The following TTC19 variants were observed in gnomAD, a reference collection of about 807,000 sequenced individuals.
TTC19 encodes tetratricopeptide repeat domain 19.
A neutral mutation model predicts 49.5 loss-of-function variants in TTC19; 38 were observed. The observed-to-expected ratio is 0.77, with a 90% CI of 0.59 to 1.01. The LOEUF (loss-of-function observed/expected upper bound fraction) is 1.01. Among genes scored for constraint, TTC19 ranks in the 50% least tolerant of loss-of-function variants. The pLI is 0.00. For synonymous variants in TTC19, 204 were observed against 185.2 expected, an observed-to-expected ratio of 1.10 and a Z score of -0.83; for missense variants, 475 against 477.7, an observed-to-expected ratio of 0.99 and a Z score of 0.05.
chr17:16,008,961 T>C (rs1159808621), intron 7 of TTC19, among the ~76,000 whole-genome samples: 1 of 152,192 alleles, frequency 6.6e-6, no homozygotes, highest in African/African-American at 2.4e-5. Flanking sequence ...AGTATGTTTT[T>C]GTTTAAAAAT....
chr17:16,039,295 A>T, intron 2 of TTC19: 1 of 813,794 alleles, frequency 1.2e-6, no homozygotes, highest in Non-Finnish European at 1.9e-6. Flanking sequence ...AACCTTTTTT[A>T]AGTAACGGAA....
chr17:16,023,942 A>G (rs1439737422), intron 7 of TTC19: 1 of 152,240 alleles, frequency 6.6e-6, no homozygotes, highest in Non-Finnish European at 1.5e-5. Flanking sequence ...TTGCTGGTAA[A>G]TAAACCCAAC....
downstream of TTC19, chr17:16,030,632 A>C (rs1231923655): frequency 5.5e-6 from 1 of 181,598 alleles, no homozygotes; most frequent in Non-Finnish European, 1.2e-5. Flanking sequence ...CTGACCACTA[A>C]GCCTGATCTA....
chr17:16,005,841 G>T (rs538211322), intron 6 of TTC19, among the ~76,000 whole-genome samples: 1 of 152,308 alleles, frequency 6.6e-6, no homozygotes, highest in African/African-American at 2.4e-5. Flanking sequence ...ACAGGGGTAA[G>T]GCTTTCACAC....
intron 1 of TTC19, 35 bp downstream of exon 1, chr17:16,000,067 G>A: frequency 7.6e-7 from 1 of 1,319,158 alleles, no homozygotes; most frequent in South Asian, 2.0e-5. Context: ...CCGGCCGGGC[G>A]GGGACAGGGG....
exon 3 of TTC19, chr17:16,044,766 T>C: frequency 2.2e-6 from 2 of 895,052 alleles, no homozygotes; most frequent in South Asian, 1.3e-5. Context: ...TTGTTTGCAA[T>C]GGCCCTGGCC....
chr17:16,029,787 C>T (rs1275197905), downstream of TTC19: 1 of 152,520 alleles, frequency 6.6e-6, no homozygotes, highest in Non-Finnish European at 1.5e-5. Context: ...TGGATTTTAA[C>T]TCTCATTCTG....
chr17:16,014,069 T>C (rs1164091173), intron 7 of TTC19, among the ~76,000 whole-genome samples: 1 of 152,158 alleles, frequency 6.6e-6, no homozygotes, highest in Non-Finnish European at 1.5e-5. Context: ...TTCCCCATGC[T>C]CCCCTGGTGG....
intron 3 of TTC19, 124 bp from the exon 4 acceptor site, chr17:16,002,669 T>C (rs2151646158): frequency 2.4e-6 from 2 of 850,286 alleles, no homozygotes; most frequent in Non-Finnish European, 4.0e-6. Context: ...TAATTGGTGA[T>C]GTGCTTTTCA....
At chr17:16,038,933 G>T (rs1195460817) in intron 2 of TTC19, among the ~76,000 whole-genome samples, 1 of 152,140 alleles carries the variant, frequency 6.6e-6, no homozygotes, top group African/African-American at 2.4e-5. Context: ...ATCATGCCCA[G>T]CTAATTTTTG....
In TTC19 at chr17:16,040,050, A is replaced by C. The variant is rs975624126; in HGVS notation, c.248-4453A>C. 1.5e-5 allele frequency: 6 copies of C among 412,106 alleles called. No homozygotes were observed. In the Admixed American group the frequency reaches 1.6e-4, roughly 11 times the overall value. 25.5% of individuals were successfully genotyped at this position (412,106 alleles called of 1,614,324 possible). On this transcript the variant is annotated intron_variant, in intron 2 of 2. Coordinates refer to the TTC19 transcript ENST00000470649. ...GGTGATCCGCCCGCCTTGGCCTCCCAAAGTGCTGGGATTACAGGCGTGAGC... is the reference window on the plus strand; with the variant it reads ...GGTGATCCGCCCGCCTTGGCCTCCCCAAGTGCTGGGATTACAGGCGTGAGC...
At chr17:16,012,318 A>G (rs1000475234) in intron 7 of TTC19, among the ~76,000 whole-genome samples, 1 of 152,060 alleles carries the variant, frequency 6.6e-6, no homozygotes, top group African/African-American at 2.4e-5. Context: ...GCAAAACCCC[A>G]TGTTTACAAA....
chr17:16,000,256 T>C lies in TTC19; in HGVS notation c.312+11T>C. The C allele has an allele frequency of 6.3e-7, 1 of 1,593,720 alleles. No homozygotes were observed. Among genetic ancestry groups the C allele is most frequent in the Non-Finnish European group, 8.5e-7 (1 of 1,178,442 alleles). On this transcript the variant is annotated intron_variant, in intron 2 of 9. Coordinates refer to ENST00000261647, the MANE Select transcript of TTC19 (RefSeq NM_017775.4). ...CTGAAGCGAGCCAAGGTGAGGCGGCTCCGGGCCCTGCGCCCGGCCGAGCGC... is the reference window on the plus strand; with the variant it reads ...CTGAAGCGAGCCAAGGTGAGGCGGCCCCGGGCCCTGCGCCCGGCCGAGCGC...
intron 6 of TTC19, among the ~76,000 whole-genome samples, chr17:16,005,798 C>T (rs1028640614): frequency 3.3e-5 from 5 of 152,142 alleles, no homozygotes; most frequent in African/African-American, 7.2e-5. Flanking sequence ...CACTGTAGGG[C>T]GGCCTGAACT....
chr17:16,002,832 G>A lies in TTC19; in HGVS notation c.462+1G>A. ...ATTTATACGGGGTCAGCTTGAAAAT[G>A]TAAGTAAATTGCTTTGTAATATCTT... is the stretch of plus-strand genomic sequence containing the variant. On this transcript the variant is annotated splice_donor_variant, in intron 4 of 9. Transcript: ENST00000261647. LOFTEE classifies it high-confidence loss of function. 1.9e-6 allele frequency: 3 copies of A among 1,613,938 alleles called. No homozygotes were observed. Among genetic ancestry groups the A allele is most frequent in the South Asian group, 1.1e-5 (1 of 91,082 alleles).
chr17:16,008,986 T>G (rs554070977), intron 7 of TTC19, among the ~76,000 whole-genome samples: 10 of 152,202 alleles, frequency 6.6e-5, no homozygotes, highest in Non-Finnish European at 1.5e-4. Context: ...AGTCTTTGTC[T>G]TCCATATCAA....
intron 7 of TTC19, chr17:16,024,531 T>G (rs1971490013): frequency 6.0e-6 from 1 of 167,124 alleles, no homozygotes; most frequent in African/African-American, 2.4e-5. Flanking sequence ...GGTCTCAATC[T>G]CCTGACCTTG....
At chr17:16,024,879 T>A (rs954003645) in intron 7 of TTC19, 138 bp from the exon 8 acceptor site, 3 of 787,800 alleles carry the variant, frequency 3.8e-6, no homozygotes, top group Non-Finnish European at 4.5e-6. Flanking sequence ...CCAGCTAGTC[T>A]GGAATAGGTC....
intron 7 of TTC19, chr17:16,023,667 A>T (rs1373212758): frequency 6.6e-6 from 1 of 152,224 alleles, no homozygotes; most frequent in Non-Finnish European, 1.5e-5. Flanking sequence ...TTCTGGTGTT[A>T]GTTCTCTGTA....
Sources: gnomAD v4.1 joint callset for allele counts (sites outside exome capture counted in the v4.1 genomes callset) on GRCh38, gnomAD v4.1.1 for gene constraint, MANE v1.5 for transcripts, NCBI Gene and HGNC (gene_info 2026-07-23, HGNC 2026-07-21) for gene names.